Variants in NKAIN2 observed in about 807,000 individuals in gnomAD.
NKAIN2 encodes the protein sodium/potassium transporting ATPase interacting 2.
NKAIN2 carries 14 observed loss-of-function variants against 32.6 expected under a neutral mutation model. The ratio of observed to expected loss-of-function variants is 0.43; its 90% CI spans 0.28 to 0.67. NKAIN2 has a LOEUF of 0.67. Among genes scored for constraint, NKAIN2 ranks in the 30% least tolerant of loss-of-function variants. NKAIN2 has a pLI of 0.17. For synonymous variants in NKAIN2, 80 were observed against 87.2 expected, an observed-to-expected ratio of 0.92 and a Z score of 0.46; for missense variants, 198 against 258.3, an observed-to-expected ratio of 0.77 and a Z score of 1.60.
chr6:124,033,759 A>G (rs2114792963), intron 1 of NKAIN2, among the ~76,000 whole-genome samples: 1 of 152,262 alleles, frequency 6.6e-6, no homozygotes, highest in Non-Finnish European at 1.5e-5. Flanking sequence ...TAATGCACTG[A>G]ATGCATGGTC....
chr6:124,234,162 T>A (rs961699969), intron 1 of NKAIN2, among the ~76,000 whole-genome samples: 7 of 152,184 alleles, frequency 4.6e-5, no homozygotes, highest in African/African-American at 1.7e-4. Context: ...GCATCAAGAT[T>A]GTCTTACCAT....
At chr6:124,784,662 C>T (rs1022012947) in intron 4 of NKAIN2, among the ~76,000 whole-genome samples, 4 of 151,910 alleles carry the variant, frequency 2.6e-5, no homozygotes, top group South Asian at 2.1e-4. Flanking sequence ...CACTTTGGGG[C>T]GTTATGAATA....
chr6:123,984,790 T>C (rs1779058194), intron 1 of NKAIN2, among the ~76,000 whole-genome samples: 1 of 152,140 alleles, frequency 6.6e-6, no homozygotes, highest in Non-Finnish European at 1.5e-5. Flanking sequence ...ATCACTTTGG[T>C]CATTATCAAA....
intron 1 of NKAIN2, among the ~76,000 whole-genome samples, chr6:123,831,649 G>GT (rs200958969): frequency 0.23 from 32,830 of 140,018 alleles, 4,082 homozygotes; most frequent in East Asian, 0.47. Flanking sequence ...CTTTGTTACA[G>GT]TTTTTTTTTT....
intron 4 of NKAIN2, among the ~76,000 whole-genome samples, chr6:124,763,830 A>T (rs1488848290): frequency 6.6e-6 from 1 of 152,226 alleles, no homozygotes; most frequent in Non-Finnish European, 1.5e-5. Flanking sequence ...TAAAGTGTAT[A>T]TAATTTAAAA....
intron 1 of NKAIN2, among the ~76,000 whole-genome samples, chr6:124,112,545 T>A (rs193012260): frequency 6.6e-6 from 1 of 152,156 alleles, no homozygotes; most frequent in Admixed American, 6.6e-5. Context: ...CAGTGTGTAT[T>A]TCTTTGAATT....
At chr6:124,398,641 C>T (rs558097787) in intron 3 of NKAIN2, among the ~76,000 whole-genome samples, 85 of 152,108 alleles carry the variant, frequency 5.6e-4, no homozygotes, top group African/African-American at 1.5e-3. Flanking sequence ...GTATGAAGAA[C>T]GGCTTATAGA....
intron 1 of NKAIN2, among the ~76,000 whole-genome samples, chr6:123,884,482 A>T (rs1207348361): frequency 6.6e-6 from 1 of 152,166 alleles, no homozygotes; most frequent in Non-Finnish European, 1.5e-5. Flanking sequence ...CTCTCTGCGT[A>T]TGTGGGTGGG....
At chr6:124,440,618 GA>G (rs1463890152) in intron 3 of NKAIN2, among the ~76,000 whole-genome samples, 2 of 152,044 alleles carry the variant, frequency 1.3e-5, no homozygotes, top group African/African-American at 4.8e-5. Flanking sequence ...TCCAAACTAA[GA>G]ATATGATTCC....
At position 124,057,607 on chromosome 6, in the gene NKAIN2, G is replaced by T. The variant is rs186267297; in HGVS notation, c.55-225398G>T. 1.2e-3 allele frequency among the ~76,000 whole-genome samples: 185 copies of T among 151,172 alleles called. 1 individual carries two copies. The highest frequency in any genetic ancestry group is 1.9e-3 in the Non-Finnish European group (128 of 67,812). On this transcript the variant is annotated intron_variant, in intron 1 of 6. Transcript: ENST00000368417. ...GTTGCTGGCAAGAAGCGTCAGCAGT[G>T]GAAGTGTTCCTGGAGTTAAATGCCC...
intron 2 of NKAIN2, among the ~76,000 whole-genome samples, chr6:124,342,814 T>TTTA (rs56290836): frequency 4.7e-3 from 685 of 145,488 alleles, no homozygotes; most frequent in East Asian, 0.018. Flanking sequence ...CAGAAGATGT[T>TTTA]TTATTATTAT....
intron 1 of NKAIN2, among the ~76,000 whole-genome samples, chr6:123,948,334 G>A (rs1028624373): frequency 1.3e-5 from 2 of 151,970 alleles, no homozygotes; most frequent in African/African-American, 4.8e-5. Context: ...AGCTTTTTGA[G>A]AAATTTCCAT....
intron 1 of NKAIN2, among the ~76,000 whole-genome samples, chr6:124,275,259 A>G (rs1794976938): frequency 6.6e-6 from 1 of 152,148 alleles, no homozygotes; most frequent in Non-Finnish European, 1.5e-5. Context: ...TCTTAAAATT[A>G]ACTATTTGAC....
In NKAIN2 at chr6:124,373,978, T is replaced by C. The variant is rs72965887; in HGVS notation, c.273+18631T>C. On this transcript the variant is annotated intron_variant, in intron 3 of 6. Coordinates refer to ENST00000368417, the MANE Select transcript of NKAIN2 (RefSeq NM_001040214.3). ...AGGGAGGTTTGTTCATTTGTTTTTG[T>C]TGGTTTTGTTGAATACAGTTATTGG... Among the ~76,000 whole-genome samples, 137 of 152,138 alleles carry C rather than the reference T, an allele frequency of 9.0e-4. 2 individuals carry two copies. The South Asian group carries it at 0.015, about 17-fold the overall frequency.
At chr6:124,439,892 G>A (rs943256939) in intron 3 of NKAIN2, among the ~76,000 whole-genome samples, 19 of 151,898 alleles carry the variant, frequency 1.3e-4, no homozygotes, top group African/African-American at 4.6e-4. Context: ...TCAGATAGGG[G>A]TCTCCAGGAA....
chr6:124,771,116 T>C (rs937621018), intron 4 of NKAIN2, among the ~76,000 whole-genome samples: 34 of 152,106 alleles, frequency 2.2e-4, no homozygotes, highest in African/African-American at 7.7e-4. Flanking sequence ...TTACTCCTAA[T>C]CCCAACGAGA....
At chr6:123,979,263 A>C (rs1162839089) in intron 1 of NKAIN2, among the ~76,000 whole-genome samples, 1 of 152,192 alleles carries the variant, frequency 6.6e-6, no homozygotes, top group African/African-American at 2.4e-5. Flanking sequence ...AGAAAACAAT[A>C]ATTTTAAATT....
chr6:124,652,965 G>A lies in NKAIN2; in HGVS notation c.274-5221G>A, dbSNP rs1310982416. Among the ~76,000 whole-genome samples, 11 of 152,194 alleles carry A rather than the reference G, an allele frequency of 7.2e-5. No individual in the cohort carries two copies. The East Asian group carries it at 2.1e-3, about 29-fold the overall frequency. On this transcript the variant is annotated intron_variant, in intron 3 of 6. Coordinates refer to ENST00000368417, the MANE Select transcript of NKAIN2 (RefSeq NM_001040214.3). ...ACTACAGCAAAATCTAGCAAAATAT[G>A]TACAAGATCTATATGAGGAAAATTG...
chr6:124,024,030 A>T (rs922156909), intron 1 of NKAIN2, among the ~76,000 whole-genome samples: 3 of 152,154 alleles, frequency 2.0e-5, no homozygotes, highest in Non-Finnish European at 4.4e-5. Context: ...TTCAAATAAT[A>T]AAAAATAGAA....
Sources: gnomAD v4.1 joint callset for allele counts (sites outside exome capture counted in the v4.1 genomes callset) on GRCh38, gnomAD v4.1.1 for gene constraint, MANE v1.5 for transcripts, NCBI Gene and HGNC (gene_info 2026-07-23, HGNC 2026-07-21) for gene names.